The following REDIC1 variants were observed in gnomAD, a reference collection of about 807,000 sequenced individuals.
The protein encoded by REDIC1 is HEI10 Interacting Protein 1.
chr12:39,714,084 C>CGTATGTATACGTGT, the REDIC1 span, among the ~76,000 whole-genome samples: 1 of 56,612 alleles, frequency 1.8e-5, no homozygotes, highest in Admixed American at 1.7e-4. Flanking sequence ...TGTATATACA[C>CGTATGTATACGTGT]ATATATGTAC....
the REDIC1 span, among the ~76,000 whole-genome samples, chr12:39,873,914 T>C: frequency 3.3e-5 from 5 of 152,194 alleles, no homozygotes; most frequent in Non-Finnish European, 7.3e-5. Context: ...TTAGGTAACA[T>C]AATCACTTGT....
the REDIC1 span, among the ~76,000 whole-genome samples, chr12:39,642,105 C>G: frequency 6.6e-6 from 1 of 151,552 alleles, no homozygotes; most frequent in Non-Finnish European, 1.5e-5. Context: ...TGAAAGTTTT[C>G]TAGTTCTTTT....
At chr12:39,866,127 T>C in the REDIC1 span, among the ~76,000 whole-genome samples, 2 of 152,234 alleles carry the variant, frequency 1.3e-5, no homozygotes. Context: ...TTAGTAGTAG[T>C]TAAGGTTTTA....
chr12:39,741,342 G>C, the REDIC1 span, among the ~76,000 whole-genome samples: 1 of 152,128 alleles, frequency 6.6e-6, no homozygotes, highest in East Asian at 1.9e-4. Context: ...TCCTGGGGAT[G>C]GACAAGAATA....
chr12:39,891,751 G>A, the REDIC1 span, among the ~76,000 whole-genome samples: 1 of 152,144 alleles, frequency 6.6e-6, no homozygotes, highest in Non-Finnish European at 1.5e-5. Context: ...CTCAGATCAG[G>A]GCTCAGTCCC....
the REDIC1 span, among the ~76,000 whole-genome samples, chr12:39,894,060 G>A: frequency 1.3e-5 from 2 of 152,186 alleles, no homozygotes; most frequent in Non-Finnish European, 2.9e-5. Context: ...GTACATTAAT[G>A]TTCAATACAT....
chr12:39,718,599 A>G, the REDIC1 span, among the ~76,000 whole-genome samples: 1 of 152,120 alleles, frequency 6.6e-6, no homozygotes, highest in Non-Finnish European at 1.5e-5. Context: ...AAAACAGTAA[A>G]GTTAGCCTAT....
At chr12:39,884,542 C>T in the REDIC1 span, among the ~76,000 whole-genome samples, 1 of 152,194 alleles carries the variant, frequency 6.6e-6, no homozygotes, top group African/African-American at 2.4e-5. Flanking sequence ...CAATAAGATG[C>T]AATTAAGATA....
At chr12:39,641,848 C>T in the REDIC1 span, among the ~76,000 whole-genome samples, 2 of 151,628 alleles carry the variant, frequency 1.3e-5, no homozygotes, top group Admixed American at 6.6e-5. Context: ...TTTTCCTTCC[C>T]AGCTATCCCC....
the REDIC1 span, among the ~76,000 whole-genome samples, chr12:39,634,673 C>A: frequency 6.6e-6 from 1 of 152,080 alleles, no homozygotes; most frequent in Non-Finnish European, 1.5e-5. Context: ...AGACCTAACA[C>A]CATAAAAACT....
At chr12:39,656,389 T>A in the REDIC1 span, among the ~76,000 whole-genome samples, 8 of 152,192 alleles carry the variant, frequency 5.3e-5, no homozygotes, top group Non-Finnish European at 1.0e-4. Flanking sequence ...TGTAATATAG[T>A]AGCACAGCTC....
the REDIC1 span, among the ~76,000 whole-genome samples, chr12:39,652,196 C>T: frequency 1.3e-5 from 2 of 152,028 alleles, no homozygotes; most frequent in Non-Finnish European, 1.5e-5. Flanking sequence ...TCCAAATATA[C>T]CTGCTGTGAC....
chr12:39,872,447 G>A, the REDIC1 span, among the ~76,000 whole-genome samples: 1 of 151,948 alleles, frequency 6.6e-6, no homozygotes, highest in Non-Finnish European at 1.5e-5. Flanking sequence ...AAGACACAAT[G>A]AGTAAGACAG....
chr12:39,689,366 C>T, the REDIC1 span, among the ~76,000 whole-genome samples: 1 of 152,088 alleles, frequency 6.6e-6, no homozygotes, highest in East Asian at 1.9e-4. Context: ...AAAAACAATA[C>T]CTAGCATCAC....
At chr12:39,705,384 T>C in the REDIC1 span, among the ~76,000 whole-genome samples, 1 of 152,032 alleles carries the variant, frequency 6.6e-6, no homozygotes, top group Non-Finnish European at 1.5e-5. Flanking sequence ...ACAAAACATG[T>C]AACGAAGAAC....
chr12:39,677,599 A>G, the REDIC1 span, among the ~76,000 whole-genome samples: 2 of 152,282 alleles, frequency 1.3e-5, no homozygotes, highest in African/African-American at 4.8e-5. Context: ...CACTTAACAG[A>G]TATTTACAGA....
At chr12:39,693,326 C>T in the REDIC1 span, among the ~76,000 whole-genome samples, 1 of 151,788 alleles carries the variant, frequency 6.6e-6, no homozygotes, top group African/African-American at 2.4e-5. Flanking sequence ...TACCTTGAAA[C>T]CTTTAATGAT....
the REDIC1 span, among the ~76,000 whole-genome samples, chr12:39,647,112 C>G: frequency 6.6e-6 from 1 of 152,036 alleles, no homozygotes; most frequent in East Asian, 1.9e-4. Context: ...CCTATGTTTG[C>G]ATAACATTTG....
At chr12:39,768,635 G>C in the REDIC1 span, among the ~76,000 whole-genome samples, 6 of 152,062 alleles carry the variant, frequency 3.9e-5, no homozygotes, top group Admixed American at 3.9e-4. Flanking sequence ...TGGTGGAGTG[G>C]TCAGAACACA....
Sources: gnomAD v4.1 joint callset for allele counts (sites outside exome capture counted in the v4.1 genomes callset) on GRCh38, gnomAD v4.1.1 for gene constraint, MANE v1.5 for transcripts, NCBI Gene and HGNC (gene_info 2026-07-23, HGNC 2026-07-21) for gene names.